GRM7: variants seen among roughly 807,000 people sequenced by gnomAD.
GRM7 encodes glutamate metabotropic receptor 7, also known as metabotropic glutamate receptor 7.
A neutral mutation model predicts 84.5 loss-of-function variants in GRM7; 35 were observed. The ratio of observed to expected loss-of-function variants is 0.41; its 90% CI spans 0.32 to 0.55. The LOEUF is 0.55. Ranked by LOEUF, GRM7 falls within the 20% of genes least tolerant of loss-of-function variation. The pLI, the probability that GRM7 is intolerant of heterozygous loss-of-function variation, is 0.19. For missense variants in GRM7, 1,003 were observed against 1,194.6 expected, an observed-to-expected ratio of 0.84 and a Z score of 2.36; for synonymous variants, 487 against 455.1, an observed-to-expected ratio of 1.07 and a Z score of -0.89.
At chr3:6,937,734 CA>C (rs1697739565) in intron 1 of GRM7, among the ~76,000 whole-genome samples, 1 of 152,114 alleles carries the variant, frequency 6.6e-6, no homozygotes, top group Non-Finnish European at 1.5e-5. Context: ...GGAAGATTTG[CA>C]AGAAATGCTG....
At chr3:6,947,742 G>T (rs1019228515) in intron 1 of GRM7, among the ~76,000 whole-genome samples, 2 of 151,988 alleles carry the variant, frequency 1.3e-5, no homozygotes, top group African/African-American at 4.8e-5. Context: ...GCCTGTTATT[G>T]GTCTATTCAG....
At chr3:7,660,794 TGAG>T (rs1699409954) in intron 8 of GRM7, among the ~76,000 whole-genome samples, 1 of 151,636 alleles carries the variant, frequency 6.6e-6, no homozygotes, top group South Asian at 2.1e-4. Flanking sequence ...TCATTAGAAC[TGAG>T]TAGAGTCCAG....
chr3:7,173,791 C>G (rs1325408256), intron 2 of GRM7, among the ~76,000 whole-genome samples: 1 of 152,156 alleles, frequency 6.6e-6, no homozygotes, highest in Non-Finnish European at 1.5e-5. Context: ...AGAAGCCTAA[C>G]CTCCTCCCCC....
chr3:7,739,172 C>T (rs1702606870), intron 9 of GRM7, among the ~76,000 whole-genome samples: 1 of 152,104 alleles, frequency 6.6e-6, no homozygotes, highest in Non-Finnish European at 1.5e-5. Context: ...ATTTTTAATC[C>T]AGAAAAGAAG....
At chr3:7,496,025 G>T (rs1047053322) in intron 7 of GRM7, among the ~76,000 whole-genome samples, 1 of 152,180 alleles carries the variant, frequency 6.6e-6, no homozygotes, top group African/African-American at 2.4e-5. Flanking sequence ...TCTATCAAGT[G>T]ATGCCCAATA....
intron 2 of GRM7, among the ~76,000 whole-genome samples, chr3:7,229,785 T>G (rs1575059274): frequency 8.5e-6 from 1 of 117,652 alleles, no homozygotes; most frequent in South Asian, 3.1e-4. Flanking sequence ...GGTTGACAGG[T>G]GTTGAGTGCT....
At chr3:7,454,213 T>G (rs1292661856) in intron 6 of GRM7, among the ~76,000 whole-genome samples, 1 of 152,068 alleles carries the variant, frequency 6.6e-6, no homozygotes, top group Non-Finnish European at 1.5e-5. Flanking sequence ...TTTAAACATA[T>G]TTCTCAAAGT....
intron 4 of GRM7, among the ~76,000 whole-genome samples, chr3:7,392,862 C>G (rs1447101949): frequency 1.3e-5 from 2 of 152,212 alleles, no homozygotes; most frequent in Non-Finnish European, 2.9e-5. Flanking sequence ...ATCTTAGTCT[C>G]ACCACAGCCT....
rs887289362 is a variant in GRM7 at position 6,997,765 on chromosome 3, C to T, written c.519+135858C>T. On this transcript the variant is annotated intron_variant, in intron 1 of 9. Coordinates refer to ENST00000357716, the MANE Select transcript of GRM7 (RefSeq NM_000844.4). ...CAAAGTCTTAACTCATTCCAGCATTCGTCCAAAAGTTCAAGTCCAAAGCCT... is the reference window on the plus strand; with the variant it reads ...CAAAGTCTTAACTCATTCCAGCATTTGTCCAAAAGTTCAAGTCCAAAGCCT... Among the ~76,000 whole-genome samples the T allele has an allele frequency of 5.9e-5, 9 of 152,214 alleles. No homozygotes were observed. In the South Asian group the frequency reaches 1.7e-3, roughly 28 times the overall value.
At chr3:7,122,163 C>T (rs1406714998) in intron 1 of GRM7, among the ~76,000 whole-genome samples, 2 of 152,162 alleles carry the variant, frequency 1.3e-5, no homozygotes, top group South Asian at 2.1e-4. Flanking sequence ...AGTGACCAAA[C>T]CTAAGCTTGA....
chr3:7,473,490 GA>G (rs1698791528), intron 7 of GRM7, among the ~76,000 whole-genome samples: 124 of 5,604 alleles, frequency 0.022, 1 homozygote, highest in Middle Eastern at 0.1. Context: ...AAACGAGAGG[GA>G]GAGAGAGAGA....
intron 2 of GRM7, among the ~76,000 whole-genome samples, chr3:7,183,397 C>T (rs1165184474): frequency 2.0e-5 from 3 of 152,104 alleles, no homozygotes; most frequent in Non-Finnish European, 4.4e-5. Context: ...GAGGCTGAGG[C>T]GGGTGGATTG....
At chr3:7,556,526 T>A (rs1296397152) in intron 7 of GRM7, among the ~76,000 whole-genome samples, 1 of 152,154 alleles carries the variant, frequency 6.6e-6, no homozygotes, top group African/African-American at 2.4e-5. Flanking sequence ...CTGTTGTAAA[T>A]AGCCATTATT....
At chr3:7,568,561 C>T (rs1267153124) in intron 7 of GRM7, among the ~76,000 whole-genome samples, 7 of 152,202 alleles carry the variant, frequency 4.6e-5, no homozygotes, top group Non-Finnish European at 7.3e-5. Flanking sequence ...TGGCCAAGGC[C>T]GGAGCCGGCT....
At chr3:7,128,129 C>A (rs1414444793) in intron 1 of GRM7, among the ~76,000 whole-genome samples, 1 of 151,384 alleles carries the variant, frequency 6.6e-6, no homozygotes, top group Non-Finnish European at 1.5e-5. Context: ...TTATGTGGGT[C>A]CCTTTACTTT....
intron 8 of GRM7, among the ~76,000 whole-genome samples, chr3:7,664,924 C>T (rs1422901284): frequency 6.6e-6 from 1 of 152,142 alleles, no homozygotes; most frequent in Non-Finnish European, 1.5e-5. Context: ...TCAGCAGAAT[C>T]AGACATTGCA....
chr3:7,437,108 C>T (rs1239528913), intron 5 of GRM7, among the ~76,000 whole-genome samples: 4 of 152,152 alleles, frequency 2.6e-5, no homozygotes, highest in Non-Finnish European at 5.9e-5. Flanking sequence ...AGATAACTAG[C>T]CACACAGCTG....
At chr3:7,676,713 T>C (rs1265036378) in intron 8 of GRM7, among the ~76,000 whole-genome samples, 6 of 152,052 alleles carry the variant, frequency 3.9e-5, no homozygotes, top group Non-Finnish European at 2.9e-5. Flanking sequence ...GGATTACAGG[T>C]GTGAGCCTAT....
intron 4 of GRM7, among the ~76,000 whole-genome samples, chr3:7,393,267 G>C (rs374223478): frequency 3.3e-4 from 50 of 152,154 alleles, no homozygotes; most frequent in African/African-American, 1.2e-3. Context: ...CCCAGCTGAG[G>C]CTACTCCAGG....
Sources: allele counts gnomAD v4.1 joint callset (sites outside exome capture counted in the v4.1 genomes callset), GRCh38; gene constraint gnomAD v4.1.1; transcripts MANE v1.5; gene names NCBI Gene and HGNC (gene_info 2026-07-23, HGNC 2026-07-21).